Variants in GRM5 observed in about 807,000 individuals in gnomAD.
The protein encoded by GRM5 is metabotropic glutamate receptor 5.
Under a neutral mutation model 83.1 loss-of-function variants are expected in GRM5, and 19 were observed. The ratio of observed to expected loss-of-function variants is 0.23; its 90% CI spans 0.16 to 0.34. The LOEUF (loss-of-function observed/expected upper bound fraction) is 0.34. Ranked by LOEUF, GRM5 falls within the 10% of genes least tolerant of loss-of-function variation. The pLI is 1.00. For synonymous variants in GRM5, 675 were observed against 633.6 expected (o/e 1.07, Z -0.98); for missense variants, 1,160 against 1,588.3 (o/e 0.73, Z 4.58).
rs148137762 is a variant in GRM5 at position 88,584,812 on chromosome 11, A to G, written c.1690+5789T>C. Among the ~76,000 whole-genome samples, 1,116 of 152,288 alleles carry G rather than the reference A, an allele frequency of 7.3e-3. 11 individuals are homozygous for G. The highest frequency in any genetic ancestry group is 0.026 in the African/African-American group (1,077 of 41,538). Reference sequence around the variant, plus strand: ...CACCTTGCTTAAAACTATTCTCTCCACTAGAATGTAAACATTATAAGAACA... The same window carrying G: ...CACCTTGCTTAAAACTATTCTCTCCGCTAGAATGTAAACATTATAAGAACA... On this transcript the variant is annotated intron_variant, in intron 7 of 9. Coordinates refer to ENST00000305447, the MANE Select transcript of GRM5 (RefSeq NM_001143831.3).
At chr11:88,780,200 C>T (rs1191580604) in intron 3 of GRM5, among the ~76,000 whole-genome samples, 2 of 152,188 alleles carry the variant, frequency 1.3e-5, no homozygotes, top group African/African-American at 4.8e-5. Context: ...GCTGTCTTCC[C>T]TGCTGGAATG....
At chr11:88,737,295 T>C (rs541954359) in intron 3 of GRM5, among the ~76,000 whole-genome samples, 2 of 152,092 alleles carry the variant, frequency 1.3e-5, no homozygotes, top group South Asian at 2.1e-4. Context: ...GAGGTAAGAG[T>C]TGAATTGTCC....
At chr11:88,607,923 GAGATAGAGACTGGCTAGA>G (rs1938203924) in intron 4 of GRM5, among the ~76,000 whole-genome samples, 3 of 152,204 alleles carry the variant, frequency 2.0e-5, no homozygotes, top group Admixed American at 2.0e-4. Context: ...GTAACTTACT[GAGATAGAGACTGGCTAGA>G]AGAGCCTAGG....
At chr11:88,747,604 C>T (rs1324181173) in intron 3 of GRM5, among the ~76,000 whole-genome samples, 2 of 151,538 alleles carry the variant, frequency 1.3e-5, no homozygotes, top group Non-Finnish European at 2.9e-5. Context: ...CCTTATCTAA[C>T]ATGCAGGTAG....
At chr11:89,043,217 A>G (rs550331238) in intron 2 of GRM5, among the ~76,000 whole-genome samples, 1 of 152,322 alleles carries the variant, frequency 6.6e-6, no homozygotes, top group East Asian at 1.9e-4. Context: ...CACATATTAT[A>G]TGATGGGCAC....
chr11:88,800,191 C>A (rs1305991294), intron 3 of GRM5, among the ~76,000 whole-genome samples: 3 of 152,070 alleles, frequency 2.0e-5, no homozygotes, highest in Non-Finnish European at 4.4e-5. Context: ...GAAATTGAGG[C>A]TTAAAAGGAG....
chr11:88,521,250 T>C (rs1304546285), intron 9 of GRM5, among the ~76,000 whole-genome samples: 1 of 152,100 alleles, frequency 6.6e-6, no homozygotes, highest in African/African-American at 2.4e-5. Flanking sequence ...ACCCCGTCTC[T>C]ACTAAAAATA....
At chr11:88,716,742 T>C (rs1941409015) in intron 3 of GRM5, among the ~76,000 whole-genome samples, 1 of 151,936 alleles carries the variant, frequency 6.6e-6, no homozygotes, top group South Asian at 2.1e-4. Flanking sequence ...AAACTGAGAC[T>C]CAGTTATATT....
At chr11:89,043,931 C>T (rs1941586655) in intron 2 of GRM5, among the ~76,000 whole-genome samples, 1 of 152,096 alleles carries the variant, frequency 6.6e-6, no homozygotes, top group South Asian at 2.1e-4. Flanking sequence ...TCACGTCAAC[C>T]AAGTGCTATT....
intron 3 of GRM5, among the ~76,000 whole-genome samples, chr11:88,806,588 C>G (rs1943502050): frequency 6.6e-6 from 1 of 152,110 alleles, no homozygotes; most frequent in Non-Finnish European, 1.5e-5. Flanking sequence ...AACTAGCTTT[C>G]AAGAATTGAC....
intron 7 of GRM5, among the ~76,000 whole-genome samples, chr11:88,569,259 C>T (rs1387177457): frequency 6.6e-6 from 1 of 152,184 alleles, no homozygotes; most frequent in African/African-American, 2.4e-5. Flanking sequence ...AGGATCATTC[C>T]TGTCAGTTAG....
intron 2 of GRM5, among the ~76,000 whole-genome samples, chr11:89,036,666 T>TGG (rs1941392948): frequency 2.8e-5 from 1 of 35,452 alleles, no homozygotes; most frequent in Non-Finnish European, 5.5e-5. Flanking sequence ...GTATTTGTAC[T>TGG]CAAATTTGCC....
rs1591482150 is a variant in GRM5 at position 88,743,514 on chromosome 11, G to C, written c.912-90111C>G. Among the ~76,000 whole-genome samples, 6 of 152,224 alleles carry C rather than the reference G, an allele frequency of 3.9e-5. No homozygotes were observed. The East Asian group carries it at 1.2e-3, about 29-fold the overall frequency. On this transcript the variant is annotated intron_variant, in intron 3 of 9. Transcript: ENST00000305447. ...AAGTTCAGGGTGACTGGAAATGACA[G>C]AGCCAGGCCTTTCTCATAACGACCC...
chr11:88,931,568 A>C (rs531706655), intron 2 of GRM5, among the ~76,000 whole-genome samples: 71 of 152,274 alleles, frequency 4.7e-4, no homozygotes, highest in African/African-American at 1.6e-3. Flanking sequence ...GGGCTGGAAA[A>C]CCATGTTGAG....
At chr11:88,530,186 C>G (rs777886570) in intron 8 of GRM5, among the ~76,000 whole-genome samples, 11 of 152,012 alleles carry the variant, frequency 7.2e-5, no homozygotes, top group Admixed American at 2.0e-4. Context: ...TTAGTGTAAG[C>G]ATTCCCTTAA....
intron 3 of GRM5, among the ~76,000 whole-genome samples, chr11:88,762,480 G>C (rs1942542264): frequency 6.9e-6 from 1 of 144,674 alleles, no homozygotes; most frequent in African/African-American, 2.6e-5. Context: ...ACCACAATGA[G>C]ATACCATCTC....
At chr11:88,691,867 C>A (rs1940788386) in intron 3 of GRM5, among the ~76,000 whole-genome samples, 1 of 152,162 alleles carries the variant, frequency 6.6e-6, no homozygotes, top group Admixed American at 6.5e-5. Flanking sequence ...CTACAATAAA[C>A]TTTTTATAAT....
At chr11:88,607,478 C>T (rs971616637) in intron 4 of GRM5, among the ~76,000 whole-genome samples, 1 of 152,110 alleles carries the variant, frequency 6.6e-6, no homozygotes, top group Non-Finnish European at 1.5e-5. Flanking sequence ...TCTCCTTTTG[C>T]CCATCTTCCC....
intron 2 of GRM5, among the ~76,000 whole-genome samples, chr11:88,902,727 A>G (rs1945332062): frequency 6.6e-6 from 1 of 152,056 alleles, no homozygotes; most frequent in Admixed American, 6.5e-5. Context: ...AGGCCGAAGC[A>G]GGCGGATCAT....
Sources: allele counts gnomAD v4.1 joint callset (sites outside exome capture counted in the v4.1 genomes callset), GRCh38; gene constraint gnomAD v4.1.1; transcripts MANE v1.5; gene names NCBI Gene and HGNC (gene_info 2026-07-23, HGNC 2026-07-21).